Variants in FRMD7 observed in about 807,000 individuals in gnomAD.
FRMD7 encodes FERM domain containing 7.
A neutral mutation model predicts 44.1 loss-of-function variants in FRMD7; 14 were observed. That is an observed-to-expected ratio of 0.32 (90% CI 0.21 to 0.50). FRMD7 has a LOEUF of 0.50. Ranked by LOEUF, FRMD7 falls within the 20% of genes least tolerant of loss-of-function variation. The pLI, the probability that FRMD7 is intolerant of heterozygous loss-of-function variation, is 0.99. For missense variants in FRMD7, 501 were observed against 522.3 expected (o/e 0.96, Z 0.40); for synonymous variants, 212 against 187.4 (o/e 1.13, Z -1.07).
chrX:132,102,791 A>G (rs1442942485), intron 1 of FRMD7, among the ~76,000 whole-genome samples: 1 of 111,484 alleles, frequency 9.0e-6, no homozygotes, highest in East Asian at 2.8e-4. Flanking sequence ...TCTCCTTTTC[A>G]TATTTTATTC....
At chrX:132,088,037 C>CACTT (rs1471247610) in intron 5 of FRMD7, among the ~76,000 whole-genome samples, 7 of 111,888 alleles carry the variant, frequency 6.3e-5, no homozygotes, top group African/African-American at 1.9e-4. Context: ...CAAAACAAAA[C>CACTT]ACTTAACAAA....
intron 1 of FRMD7, among the ~76,000 whole-genome samples, chrX:132,102,105 C>T (rs1928516611): frequency 9.0e-6 from 1 of 110,578 alleles, no homozygotes; most frequent in African/African-American, 3.3e-5. Context: ...CACCAATTCC[C>T]CCCTCCCTCA....
chrX:132,085,979 C>A lies in FRMD7; in HGVS notation c.438G>T (p.Arg146=), dbSNP rs1602799532. The change falls in exon 6 of 12, where the codon CGG becomes CGT. Residue 146 remains arginine, a synonymous_variant. Coordinates refer to ENST00000298542, the MANE Select transcript of FRMD7 (RefSeq NM_194277.3). ...ETDRKHLAQT[R]YLPNQDCLEG... The stretch of plus-strand genomic sequence containing the variant: ...CTAAACAGTCTTGGTTTGGTAAGTA[C>A]CGAGTTTGTGCCAGATGCTTCCTAT... The A allele has an allele frequency of 8.3e-7, 1 of 1,205,973 alleles. No individual in the cohort carries two copies. Among genetic ancestry groups the A allele is most frequent in the South Asian group, 1.8e-5 (1 of 56,710 alleles).
intron 1 of FRMD7, among the ~76,000 whole-genome samples, chrX:132,104,887 A>T (rs1273562214): frequency 8.9e-6 from 1 of 112,007 alleles, no homozygotes; most frequent in Non-Finnish European, 1.9e-5. Flanking sequence ...TTATAATTAC[A>T]CCATTTAATT....
chrX:132,083,300 T>C (rs1427819868), intron 8 of FRMD7, among the ~76,000 whole-genome samples: 3 of 111,968 alleles, frequency 2.7e-5, no homozygotes, highest in African/African-American at 6.5e-5. Flanking sequence ...TTTTCCTCTA[T>C]AGGTTGTCTT....
chrX:132,116,473 A>G (rs1928900007), intron 1 of FRMD7, among the ~76,000 whole-genome samples: 1 of 111,965 alleles, frequency 8.9e-6, no homozygotes, highest in Non-Finnish European at 1.9e-5. Flanking sequence ...TTCACCAGCA[A>G]CTGCTGACCC....
chrX:132,120,441 C>T (rs971961229), intron 1 of FRMD7, among the ~76,000 whole-genome samples: 1 of 112,856 alleles, frequency 8.9e-6, no homozygotes, highest in African/African-American at 3.2e-5. Context: ...GGCAAGGCCC[C>T]GACTAACTGA....
At chrX:132,108,495 A>G (rs1928700654) in intron 1 of FRMD7, among the ~76,000 whole-genome samples, 2 of 112,053 alleles carry the variant, frequency 1.8e-5, no homozygotes, top group African/African-American at 6.5e-5. Flanking sequence ...TCTGACACAT[A>G]GGAAGAACTC....
intron 1 of FRMD7, among the ~76,000 whole-genome samples, chrX:132,118,586 A>T (rs1164727951): frequency 9.0e-6 from 1 of 111,308 alleles, no homozygotes; most frequent in Non-Finnish European, 1.9e-5. Context: ...TGCTCAGACA[A>T]GGCACTGGGC....
intron 4 of FRMD7, 192 bp from the exon 5 acceptor site, chrX:132,094,331 A>T: frequency 4.7e-6 from 2 of 426,300 alleles, no homozygotes; most frequent in Non-Finnish European, 8.3e-6. Context: ...AACTCAGCTG[A>T]TTGAACACTT....
chrX:132,108,819 T>C (rs749817059), intron 1 of FRMD7, among the ~76,000 whole-genome samples: 1 of 111,525 alleles, frequency 9.0e-6, no homozygotes, highest in African/African-American at 3.3e-5. Context: ...CTGATGGTTT[T>C]ATAAGTGCCT....
chrX:132,096,550 TA>T (rs767769507), intron 4 of FRMD7, among the ~76,000 whole-genome samples: 2,190 of 84,040 alleles, frequency 0.026, 67 homozygotes, highest in African/African-American at 0.084. Flanking sequence ...GCCCCATCTC[TA>T]AAAAAAAAAA....
chrX:132,105,662 A>C (rs1242384244), intron 1 of FRMD7, among the ~76,000 whole-genome samples: 3 of 111,876 alleles, frequency 2.7e-5, no homozygotes, highest in Non-Finnish European at 5.6e-5. Context: ...AAAAGCAGGC[A>C]CATAGGCCAA....
intron 1 of FRMD7, among the ~76,000 whole-genome samples, chrX:132,113,437 A>G (rs998423800): frequency 1.8e-5 from 2 of 111,421 alleles, no homozygotes; most frequent in Non-Finnish European, 3.8e-5. Flanking sequence ...ATCTTTCAGC[A>G]GGTTAATGGC....
intron 5 of FRMD7, among the ~76,000 whole-genome samples, chrX:132,086,356 C>G (rs1289728001): frequency 9.0e-6 from 1 of 111,505 alleles, no homozygotes; most frequent in Non-Finnish European, 1.9e-5. Context: ...TATGATCTCT[C>G]TTACTTTCAA....
At chrX:132,107,758 G>A (rs1189888227) in intron 1 of FRMD7, among the ~76,000 whole-genome samples, 2 of 111,340 alleles carry the variant, frequency 1.8e-5, no homozygotes, top group Admixed American at 9.6e-5. Context: ...CTGAGGGTTA[G>A]CGCTTCAACA....
At chrX:132,118,963 C>T (rs1482362235) in intron 1 of FRMD7, among the ~76,000 whole-genome samples, 4 of 111,440 alleles carry the variant, frequency 3.6e-5, no homozygotes, top group Non-Finnish European at 5.6e-5. Flanking sequence ...TGTCCGTCCC[C>T]TCCACATACA....
intron 1 of FRMD7, among the ~76,000 whole-genome samples, chrX:132,102,827 C>T (rs1346591571): frequency 2.7e-5 from 3 of 111,615 alleles, no homozygotes; most frequent in Admixed American, 1.9e-4. Flanking sequence ...GCACTTAATC[C>T]TCCCTATCAA....
Position 132,080,179 on chromosome X carries a change from G to A in FRMD7, c.974+19C>T, listed in dbSNP as rs983526055. 6 of 1,178,868 alleles carry A rather than the reference G, an allele frequency of 5.1e-6. No individual in the cohort carries two copies. Among genetic ancestry groups the A allele is most frequent in the Non-Finnish European group, 5.8e-6 (5 of 867,115 alleles). On this transcript the variant is annotated intron_variant, in intron 10 of 11. Transcript: ENST00000298542. Reference sequence around the variant, plus strand: ...TTCAACATAAAATCAACACGAGCAAGAGAAACAAAATCATGTACCTTTCAA... The same window carrying A: ...TTCAACATAAAATCAACACGAGCAAAAGAAACAAAATCATGTACCTTTCAA...
Sources: gnomAD v4.1 joint callset for allele counts (sites outside exome capture counted in the v4.1 genomes callset) on GRCh38, gnomAD v4.1.1 for gene constraint, MANE v1.5 for transcripts, NCBI Gene and HGNC (gene_info 2026-07-23, HGNC 2026-07-21) for gene names.